Variants in RIPK4 observed in about 807,000 individuals in gnomAD.
RIPK4 encodes receptor-interacting serine/threonine-protein kinase 4.
RIPK4 carries 17 observed loss-of-function variants against 42.9 expected under a neutral mutation model. The ratio of observed to expected loss-of-function variants is 0.40; its 90% CI spans 0.27 to 0.59. The LOEUF (loss-of-function observed/expected upper bound fraction) is 0.59. Ranked by LOEUF, RIPK4 falls within the 20% of genes least tolerant of loss-of-function variation. The pLI is 0.47. For missense variants in RIPK4, 897 were observed against 1,104.4 expected (o/e 0.81, Z 2.66); for synonymous variants, 498 against 499.1 (o/e 1.00, Z 0.03).
chr21:41,752,994 A>G (rs2061192921), intron 2 of RIPK4, among the ~76,000 whole-genome samples: 1 of 152,232 alleles, frequency 6.6e-6, no homozygotes, highest in Admixed American at 6.5e-5. Flanking sequence ...AACTAAAAGT[A>G]AAATAAAAAA....
intron 6 of RIPK4, 96 bp downstream of exon 6, chr21:41,745,663 G>A: frequency 1.2e-6 from 1 of 860,596 alleles, no homozygotes; most frequent in East Asian, 2.4e-5. Context: ...AGGGAGAGTG[G>A]TCCGGGCGGC....
In RIPK4 at chr21:41,741,198, G is replaced by A. The variant is rs758168721; in HGVS notation, c.1995C>T (p.Ala665=). The A allele has an allele frequency of 1.6e-5, 25 of 1,609,668 alleles. No homozygotes were observed. Among genetic ancestry groups the A allele is most frequent in the African/African-American group, 2.7e-5 (2 of 74,852 alleles). ...LLLHRGAGKE[A]MTSDGYTALH... ...GAGCGGTGTAGCCGTCTGAGGTCAT[G>A]GCCTCCTTGCCAGCGCCCCGATGCA... Residue 665 remains alanine (A), a synonymous_variant, in exon 8 of 8, where the codon GCC becomes GCT. Coordinates refer to ENST00000332512, the MANE Select transcript of RIPK4 (RefSeq NM_020639.3).
chr21:41,746,871 C>A, intron 4 of RIPK4, 100 bp from the exon 5 acceptor site: 1 of 1,350,788 alleles, frequency 7.4e-7, no homozygotes. Context: ...CACAATGGGG[C>A]CATCCCCACA....
At chr21:41,743,837 C>A in intron 7 of RIPK4, 45 bp downstream of exon 7, 1 of 1,535,978 alleles carries the variant, frequency 6.5e-7, no homozygotes, top group Non-Finnish European at 8.8e-7. Context: ...TCCACTGTCC[C>A]GCCAAGCCCA....
At chr21:41,743,369 C>T (rs2061160447) in intron 7 of RIPK4, among the ~76,000 whole-genome samples, 1 of 152,256 alleles carries the variant, frequency 6.6e-6, no homozygotes, top group Non-Finnish European at 1.5e-5. Context: ...GAGAAGTGCT[C>T]CTCCCTATCA....
chr21:41,754,627 C>G (rs2061197676), intron 2 of RIPK4, among the ~76,000 whole-genome samples: 1 of 152,214 alleles, frequency 6.6e-6, no homozygotes, highest in South Asian at 2.1e-4. Flanking sequence ...CTCTGCGTCT[C>G]TTGGGCTGTT....
chr21:41,742,605 A>T lies in RIPK4; in HGVS notation c.1196-608T>A, dbSNP rs1403433600. On this transcript the variant is annotated intron_variant, in intron 7 of 7. Coordinates refer to ENST00000332512, the MANE Select transcript of RIPK4 (RefSeq NM_020639.3). This position sits in a 1 kb window ranked among gnomAD's most constrained non-coding sequence, Gnocchi z 5.1. ...ATGAAAAGTTGTATTTACCACAAAA[A>T]TCCTACCGTAGTGCCTGGAATGCTG... Among the ~76,000 whole-genome samples the T allele has an allele frequency of 6.6e-6, 1 of 152,156 alleles. No homozygotes were observed. The highest frequency in any genetic ancestry group is 1.5e-5 in the Non-Finnish European group (1 of 68,034).
chr21:41,759,045 A>G (rs2061213209), intron 1 of RIPK4, among the ~76,000 whole-genome samples: 1 of 152,208 alleles, frequency 6.6e-6, no homozygotes, highest in Admixed American at 6.5e-5. Flanking sequence ...GCTGGTTCCC[A>G]GGCCTCACTC....
intron 6 of RIPK4, among the ~76,000 whole-genome samples, chr21:41,744,490 G>A (rs1355615950): frequency 2.0e-5 from 3 of 152,210 alleles, no homozygotes; most frequent in African/African-American, 2.4e-5. Context: ...AAAGACTTGC[G>A]CTGGCCCCAC....
chr21:41,759,735 C>G (rs545326573), intron 1 of RIPK4, among the ~76,000 whole-genome samples: 4 of 152,194 alleles, frequency 2.6e-5, no homozygotes, highest in African/African-American at 9.7e-5. Context: ...GCCAACAGAA[C>G]GCATCCATTT....
Position 41,744,098 on chromosome 21 carries a change from C to A in RIPK4, c.979G>T (p.Asp327Tyr). Residue 327 changes from aspartate to tyrosine, a missense_variant, in exon 7 of 8, where the codon GAT becomes TAT. Coordinates refer to ENST00000332512, the MANE Select transcript of RIPK4 (RefSeq NM_020639.3). ...AGCTCGGAGAGGCTGTAGTCGTTAT[C>A]GAAGGTGGGGGCAGAGGCCCGCTTG... ...RLKRASAPTFDNDYSLSELLS... is the reference protein window; with the variant it reads ...RLKRASAPTFYNDYSLSELLS... The A allele has an allele frequency of 6.2e-7, 1 of 1,607,734 alleles. No homozygotes were observed. Among genetic ancestry groups the A allele is most frequent in the Non-Finnish European group, 8.5e-7 (1 of 1,176,590 alleles).
chr21:41,760,260 T>G lies in RIPK4; in HGVS notation c.183-3444A>C, dbSNP rs536415279. Among the ~76,000 whole-genome samples the G allele has an allele frequency of 6.6e-5, 10 of 152,326 alleles. No individual in the cohort carries two copies. The South Asian group carries it at 2.1e-3, about 32-fold the overall frequency. Reference sequence around the variant, plus strand: ...CTGACCTATATTTTAAGCAGTTCTGTGTATTGGCAAGTGCTCGCTTGAATC... The same window carrying G: ...CTGACCTATATTTTAAGCAGTTCTGGGTATTGGCAAGTGCTCGCTTGAATC... On this transcript the variant is annotated intron_variant, in intron 1 of 7. Coordinates refer to ENST00000332512, the MANE Select transcript of RIPK4 (RefSeq NM_020639.3).
rs550455103 is a variant in RIPK4 at position 41,758,039 on chromosome 21, T to G, written c.183-1223A>C. Among the ~76,000 whole-genome samples, 668 of 88,742 alleles carry G rather than the reference T, an allele frequency of 7.5e-3. 5 individuals are homozygous for G. Among genetic ancestry groups the G allele is most frequent in the East Asian group, 0.013 (49 of 3,632 alleles). The allele number at this position is 88,742 out of a possible 152,430, so 58.2% of individuals were successfully genotyped here. ...AAAAAAAAATATATATATATATATATATAGAGAGAGAGAGAGAGAGAGAGA... is the reference window on the plus strand; with the variant it reads ...AAAAAAAAATATATATATATATATAGATAGAGAGAGAGAGAGAGAGAGAGA... On this transcript the variant is annotated intron_variant, in intron 1 of 7. Transcript: ENST00000332512.
intron 1 of RIPK4, among the ~76,000 whole-genome samples, chr21:41,760,133 C>T (rs571300416): frequency 3.3e-4 from 51 of 152,352 alleles, no homozygotes; most frequent in African/African-American, 1.1e-3. Flanking sequence ...CAAATGCCAA[C>T]GGTGCCAAGT....
rs2061149829 is a variant in RIPK4, at chr21:41,740,703, G to A, written c.*135C>T. The A allele has an allele frequency of 2.2e-6, 2 of 891,032 alleles. No homozygotes were observed. The highest frequency in any genetic ancestry group is 1.7e-5 in the African/African-American group (1 of 59,220). 55.2% of individuals were successfully genotyped at this position (891,032 alleles called of 1,614,324 possible). A position where few individuals can be genotyped will look rare whatever the true frequency, so the allele number is the denominator to read the frequency against. On this transcript the variant is annotated 3_prime_UTR_variant, in exon 8 of 8. Transcript: ENST00000332512. Reference sequence around the variant, plus strand: ...GGTCAGCAGCAGCCGCCTCCTGATGGCACCATGTCACCTCTGCTTGGTTAA... The same window carrying A: ...GGTCAGCAGCAGCCGCCTCCTGATGACACCATGTCACCTCTGCTTGGTTAA...
intron 1 of RIPK4, among the ~76,000 whole-genome samples, chr21:41,761,335 C>T (rs1235544204): frequency 6.6e-6 from 1 of 152,262 alleles, no homozygotes; most frequent in East Asian, 1.9e-4. Context: ...CAACTTCCAA[C>T]CCGGCAACTG....
At position 41,739,608 on chromosome 21, in the gene RIPK4, G is replaced by A. The variant is rs910960530; in HGVS notation, c.*1230C>T. 1 of 152,204 alleles carries A rather than the reference G, an allele frequency of 6.6e-6. No individual in the cohort carries two copies. The highest frequency in any genetic ancestry group is 2.4e-5 in the African/African-American group (1 of 41,440). The allele number at this position is 152,204 out of a possible 1,614,324, so 9.4% of individuals were successfully genotyped here. A position where few individuals can be genotyped will look rare whatever the true frequency, so the allele number is the denominator to read the frequency against. On this transcript the variant is annotated 3_prime_UTR_variant, in exon 8 of 8. Transcript: ENST00000332512. ...AGGCCACGGTACATGTTTGCACGCAGGGTCACGTTCTGCAACAAACTTATT... is the reference window on the plus strand; with the variant it reads ...AGGCCACGGTACATGTTTGCACGCAAGGTCACGTTCTGCAACAAACTTATT...
Position 41,766,489 on chromosome 21 carries a change from C to G in RIPK4, c.182+371G>C, listed in dbSNP as rs536422720. Among the ~76,000 whole-genome samples the G allele has an allele frequency of 4.6e-5, 7 of 152,266 alleles. No homozygotes were observed. In the East Asian group the frequency reaches 1.4e-3, roughly 29 times the overall value. On this transcript the variant is annotated intron_variant, in intron 1 of 7. Transcript: ENST00000332512. ...GCCTCCCAAGGGCGCGGGTCCGAGG[C>G]GCAAGGCGAGCTGGAGACCCCGAAA...
chr21:41,752,954 A>G (rs1358152642), intron 2 of RIPK4, among the ~76,000 whole-genome samples: 1 of 152,224 alleles, frequency 6.6e-6, no homozygotes, highest in African/African-American at 2.4e-5. Context: ...CCTATGTAAC[A>G]AACTGGCACA....
Sources: allele counts gnomAD v4.1 joint callset (sites outside exome capture counted in the v4.1 genomes callset), GRCh38; gene constraint gnomAD v4.1.1; non-coding constraint Gnocchi (gnomAD v3.1); transcripts MANE v1.5; gene names NCBI Gene and HGNC (gene_info 2026-07-23, HGNC 2026-07-21).